The following ADGRB3 variants were observed in gnomAD, a reference collection of about 807,000 sequenced individuals.
ADGRB3 encodes the protein brain-specific angiogenesis inhibitor 3.
A neutral mutation model predicts 193.4 loss-of-function variants in ADGRB3; 37 were observed. The ratio of observed to expected loss-of-function variants is 0.19; its 90% CI spans 0.15 to 0.25. The LOEUF (loss-of-function observed/expected upper bound fraction) is 0.25. ADGRB3 is among the 10% of genes least tolerant of loss of function. The pLI, the probability that ADGRB3 is intolerant of heterozygous loss-of-function variation, is 1.00. For missense variants in ADGRB3, 1,637 were observed against 1,852.9 expected, an observed-to-expected ratio of 0.88 and a Z score of 2.14; for synonymous variants, 690 against 644.2, an observed-to-expected ratio of 1.07 and a Z score of -1.08.
At chr6:69,123,305 G>A (rs553208969) in intron 17 of ADGRB3, among the ~76,000 whole-genome samples, 18 of 152,192 alleles carry the variant, frequency 1.2e-4, no homozygotes, top group South Asian at 4.1e-4. Flanking sequence ...TTTTCTTCAC[G>A]TAAGTACAAA....
At chr6:69,177,051 C>A (rs1452795735) in intron 17 of ADGRB3, among the ~76,000 whole-genome samples, 1 of 152,082 alleles carries the variant, frequency 6.6e-6, no homozygotes, top group African/African-American at 2.4e-5. Flanking sequence ...ATCTGTCGAT[C>A]TTGTTTATCC....
chr6:68,783,179 T>C (rs1008090056), intron 3 of ADGRB3, among the ~76,000 whole-genome samples: 1 of 151,282 alleles, frequency 6.6e-6, no homozygotes, highest in African/African-American at 2.4e-5. Flanking sequence ...AATTGAGACT[T>C]TTAAAACTTA....
intron 28 of ADGRB3, 115 bp from the exon 29 acceptor site, chr6:69,360,754 T>TA: frequency 3.7e-6 from 4 of 1,095,210 alleles, no homozygotes; most frequent in Non-Finnish European, 5.1e-6. Flanking sequence ...TTAAATAACA[T>TA]ACCTACCAAA....
chr6:69,158,431 C>T (rs1301719171), intron 17 of ADGRB3, among the ~76,000 whole-genome samples: 1 of 35,534 alleles, frequency 2.8e-5, no homozygotes, highest in Non-Finnish European at 9.2e-5. Context: ...AGCTAAAGTT[C>T]AGCCAAAAAA....
At chr6:68,658,834 AT>A (rs1768553566) in intron 3 of ADGRB3, among the ~76,000 whole-genome samples, 1 of 151,076 alleles carries the variant, frequency 6.6e-6, no homozygotes, top group Admixed American at 6.6e-5. Context: ...CTTTTCTGTA[AT>A]TATGATTATA....
intron 3 of ADGRB3, among the ~76,000 whole-genome samples, chr6:68,836,819 A>G (rs1768055771): frequency 6.6e-6 from 1 of 152,150 alleles, no homozygotes; most frequent in Non-Finnish European, 1.5e-5. Flanking sequence ...GTGAGACTCC[A>G]TCTCTATTTT....
rs78806646 is a variant in ADGRB3, at chr6:68,816,097, T to A, written c.758-114462T>A. On this transcript the variant is annotated intron_variant, in intron 3 of 31. Transcript: ENST00000370598. ...GGACAAAAACTTCTATTTGGAAGAA[T>A]AAAAATTAGTTGATATTATATGAAA... is the stretch of plus-strand genomic sequence containing the variant. Among the ~76,000 whole-genome samples the A allele has an allele frequency of 1.9e-4, 29 of 152,114 alleles. No individual in the cohort carries two copies. The East Asian group carries it at 4.6e-3, about 24-fold the overall frequency.
At chr6:68,919,894 A>G (rs183428264) in intron 3 of ADGRB3, among the ~76,000 whole-genome samples, 7 of 152,272 alleles carry the variant, frequency 4.6e-5, no homozygotes, top group Non-Finnish European at 1.0e-4. Context: ...ACAAGAAAGT[A>G]TTGTTCAGAG....
chr6:68,920,404 G>C (rs1308279525), intron 3 of ADGRB3, among the ~76,000 whole-genome samples: 1 of 150,226 alleles, frequency 6.7e-6, no homozygotes, highest in Non-Finnish European at 1.5e-5. Flanking sequence ...TGTGGTCCCA[G>C]CTACTCCGGA....
intron 17 of ADGRB3, among the ~76,000 whole-genome samples, chr6:69,113,220 C>G (rs934805718): frequency 4.0e-5 from 6 of 151,806 alleles, no homozygotes; most frequent in Non-Finnish European, 7.4e-5. Context: ...TGTATATGTA[C>G]AATATACATA....
chr6:69,234,954 T>C, intron 18 of ADGRB3, 78 bp from the exon 19 acceptor site: 2 of 1,132,414 alleles, frequency 1.8e-6, no homozygotes, highest in Non-Finnish European at 2.6e-6. Context: ...GAGTGATAGG[T>C]TAGCTTTGCT....
At chr6:68,755,027 G>C (rs1766273276) in intron 3 of ADGRB3, among the ~76,000 whole-genome samples, 1 of 152,166 alleles carries the variant, frequency 6.6e-6, no homozygotes. Context: ...GTGTTTGCAT[G>C]TGCAACCACA....
chr6:69,033,747 A>G (rs938205404), intron 13 of ADGRB3, among the ~76,000 whole-genome samples: 3 of 152,130 alleles, frequency 2.0e-5, no homozygotes, highest in Admixed American at 6.5e-5. Flanking sequence ...ATATCGTTAA[A>G]ATTCATACTA....
At chr6:69,098,369 A>G (rs1772944041) in intron 17 of ADGRB3, among the ~76,000 whole-genome samples, 3 of 152,222 alleles carry the variant, frequency 2.0e-5, no homozygotes, top group African/African-American at 7.2e-5. Flanking sequence ...CTTATTATGT[A>G]TTAACTTGAG....
chr6:68,908,210 A>G (rs1203085911), intron 3 of ADGRB3, among the ~76,000 whole-genome samples: 1 of 152,018 alleles, frequency 6.6e-6, no homozygotes, highest in East Asian at 1.9e-4. Context: ...AGAAACATCT[A>G]TTGGCATTAT....
At chr6:68,931,155 A>G (rs1372849157) in intron 4 of ADGRB3, among the ~76,000 whole-genome samples, 1 of 151,930 alleles carries the variant, frequency 6.6e-6, no homozygotes. Flanking sequence ...TTTTATTTGA[A>G]AAGAGTTTTG....
chr6:68,882,827 C>G (rs1362255870), intron 3 of ADGRB3, among the ~76,000 whole-genome samples: 1 of 152,100 alleles, frequency 6.6e-6, no homozygotes, highest in African/African-American at 2.4e-5. Flanking sequence ...ATGGTTATTT[C>G]CCTGGAAGAC....
rs535512775 is a variant in ADGRB3, at chr6:69,293,275, AC to A, written c.2815-31594del. ...TTGCTTGGGAATCCATGAGACAAAC[AC>A]CCACTTTCTCTTACTTATTAAGGAG... On this transcript the variant is annotated intron_variant, in intron 20 of 31. Transcript: ENST00000370598. 4.4e-3 allele frequency among the ~76,000 whole-genome samples: 668 copies of A among 152,210 alleles called. 7 individuals carry two copies. Among genetic ancestry groups the A allele is most frequent in the African/African-American group, 0.015 (635 of 41,528 alleles).
intron 12 of ADGRB3, among the ~76,000 whole-genome samples, chr6:69,017,478 C>G (rs915506992): frequency 6.6e-6 from 1 of 151,946 alleles, no homozygotes; most frequent in African/African-American, 2.4e-5. Flanking sequence ...GGGTTATACA[C>G]ATGAAAATTC....
Sources: gnomAD v4.1 joint callset for allele counts (sites outside exome capture counted in the v4.1 genomes callset) on GRCh38, gnomAD v4.1.1 for gene constraint, MANE v1.5 for transcripts, NCBI Gene and HGNC (gene_info 2026-07-23, HGNC 2026-07-21) for gene names.